Variants in NFYA observed in about 807,000 individuals in gnomAD.
NFYA encodes CAAT-box DNA binding protein subunit A.
A neutral mutation model predicts 52.8 loss-of-function variants in NFYA; 28 were observed. The observed-to-expected ratio is 0.53, with a 90% CI of 0.39 to 0.73. NFYA has a LOEUF of 0.73. Ranked by LOEUF, NFYA falls within the 30% of genes least tolerant of loss-of-function variation. NFYA has a pLI of 0.00. For missense variants in NFYA, 234 were observed against 427.0 expected, an observed-to-expected ratio of 0.55 and a Z score of 3.98; for synonymous variants, 150 against 150.7, an observed-to-expected ratio of 1.00 and a Z score of 0.03.
In NFYA at chr6:41,097,416, C is replaced by G; in HGVS notation, c.*6C>G. 1 of 1,613,740 alleles carries G rather than the reference C, an allele frequency of 6.2e-7. No individual in the cohort carries two copies. Among genetic ancestry groups the G allele is most frequent in the East Asian group, 2.2e-5 (1 of 44,842 alleles). On this transcript the variant is annotated 3_prime_UTR_variant, in exon 10 of 10. Transcript: ENST00000341376. ...AGATCATCCGAGTGTCCTAACCCCA[C>G]GCCATGTGATGGAGCTGATCAAGGT...
At position 41,097,374 on chromosome 6, in the gene NFYA, T is replaced by C. The variant is rs763983276; in HGVS notation, c.1008T>C (p.Asp336=). The C allele has an allele frequency of 1.6e-4, 262 of 1,613,920 alleles. No individual in the cohort carries two copies. Among genetic ancestry groups the C allele is most frequent in the Non-Finnish European group, 2.2e-4 (255 of 1,179,924 alleles). Residue 336 remains aspartate, a synonymous_variant, in exon 10 of 10, where the codon GAT becomes GAC. Coordinates refer to ENST00000341376, the MANE Select transcript of NFYA (RefSeq NM_002505.5). ...GTCTCTAGGATCCAAACCAAGCCGA[T>C]GAAGAAGCAATGACACAGATCATCC... is the stretch of plus-strand genomic sequence containing the variant. The part of the protein sequence containing the change: ...SPHMQDPNQA[D]EEAMTQIIRV...
rs763983276 is a variant in NFYA at position 41,097,374 on chromosome 6, T to A, written c.1008T>A (p.Asp336Glu). Reference sequence around the variant, plus strand: ...GTCTCTAGGATCCAAACCAAGCCGATGAAGAAGCAATGACACAGATCATCC... The same window carrying A: ...GTCTCTAGGATCCAAACCAAGCCGAAGAAGAAGCAATGACACAGATCATCC... ...SPHMQDPNQA[D>E]EEAMTQIIRV... The change falls in exon 10 of 10, where the codon GAT (aspartate) becomes GAA (glutamate). Residue 336 changes from aspartate (D) to glutamate (E), a missense_variant. Around this residue, in one of 3 missense-constraint regions of NFYA, gnomAD observed 35 missense variants for 34.2 expected, o/e 1.02. Coordinates refer to ENST00000341376, the MANE Select transcript of NFYA (RefSeq NM_002505.5). 2 of 1,614,038 alleles carry A rather than the reference T, an allele frequency of 1.2e-6. No individual in the cohort carries two copies. Among genetic ancestry groups the A allele is most frequent in the South Asian group, 1.1e-5 (1 of 91,076 alleles).
At chr6:41,077,972 C>G (rs761566014) in intron 1 of NFYA, among the ~76,000 whole-genome samples, 23 of 151,652 alleles carry the variant, frequency 1.5e-4, no homozygotes, top group Non-Finnish European at 3.2e-4. Context: ...TCCTAACATT[C>G]CAACATTCAT....
Position 41,090,263 on chromosome 6 carries a change from C to T in NFYA, c.501C>T (p.Thr167=). The change falls in exon 6 of 10, where the codon ACC becomes ACT. Residue 167 remains threonine, a synonymous_variant. Coordinates refer to ENST00000341376, the MANE Select transcript of NFYA (RefSeq NM_002505.5). ...TGGCACAGACTGCTGAAGGGCAGACCATCGTCTATCAACCAGTTAATGCAG... is the reference window on the plus strand; with the variant it reads ...TGGCACAGACTGCTGAAGGGCAGACTATCGTCTATCAACCAGTTAATGCAG... ...QQVAQTAEGQ[T]IVYQPVNADG... The T allele has an allele frequency of 6.2e-7, 1 of 1,613,950 alleles. No individual in the cohort carries two copies. Among genetic ancestry groups the T allele is most frequent in the South Asian group, 1.1e-5 (1 of 91,072 alleles).
Position 41,074,308 on chromosome 6 carries a change from A to G in NFYA, c.-62+1224A>G, listed in dbSNP as rs186667655. On this transcript the variant is annotated intron_variant, in intron 1 of 9. Transcript: ENST00000341376. Reference sequence around the variant, plus strand: ...GGTTGCTGTTGGCAACCAATTATCCAGCAGTTAGTATATGCCAGGTATAAT... The same window carrying G: ...GGTTGCTGTTGGCAACCAATTATCCGGCAGTTAGTATATGCCAGGTATAAT... Among the ~76,000 whole-genome samples the G allele has an allele frequency of 3.9e-5, 6 of 152,354 alleles. No homozygotes were observed. In the East Asian group the frequency reaches 1.2e-3, roughly 29 times the overall value.
rs571283013 is a variant in NFYA, at chr6:41,073,239, G to T, written c.-62+155G>T. ...GCCGGGCGGCCAGCGGCCCCGGCCCGGGGCCTGCGAGCGCCTCGGGGCACT... is the reference window on the plus strand; with the variant it reads ...GCCGGGCGGCCAGCGGCCCCGGCCCTGGGCCTGCGAGCGCCTCGGGGCACT... On this transcript the variant is annotated intron_variant, in intron 1 of 9. Transcript: ENST00000341376. 4.8e-4 allele frequency among the ~76,000 whole-genome samples: 72 copies of T among 151,382 alleles called. 1 individual carries two copies. The East Asian group carries it at 0.014, about 29-fold the overall frequency.
chr6:41,084,926 A>G (rs561576045), intron 4 of NFYA, among the ~76,000 whole-genome samples: 19 of 152,310 alleles, frequency 1.2e-4, no homozygotes, highest in South Asian at 2.1e-4. Flanking sequence ...GTGCCACTGC[A>G]CTCCAGGCTG....
At chr6:41,074,585 G>A (rs1561848619) in intron 1 of NFYA, among the ~76,000 whole-genome samples, 1 of 152,228 alleles carries the variant, frequency 6.6e-6, no homozygotes, top group African/African-American at 2.4e-5. Context: ...GAGAAGAAAA[G>A]CATGTGCAGA....
rs1481033969 is a variant in NFYA, at chr6:41,099,263, T to C, written c.*1853T>C. On this transcript the variant is annotated 3_prime_UTR_variant, in exon 10 of 10. Transcript: ENST00000341376. ...AGTCCCAAGTTTTTCAGAGAATAGA[T>C]TACTAACAATGAGGAATTTATATTC... 6.6e-6 allele frequency: 1 copy of C among 152,186 alleles called. No individual in the cohort carries two copies. The highest frequency in any genetic ancestry group is 1.5e-5 in the Non-Finnish European group (1 of 68,046). The allele number at this position is 152,186 out of a possible 1,614,324, so 9.4% of individuals were successfully genotyped here.
intron 1 of NFYA, among the ~76,000 whole-genome samples, chr6:41,077,864 C>G (rs1763783905): frequency 6.6e-6 from 1 of 152,102 alleles, no homozygotes; most frequent in African/African-American, 2.4e-5. Flanking sequence ...ATGACATAGC[C>G]TGTTATTTAT....
At position 41,101,766 on chromosome 6, in the gene NFYA, C is replaced by T. The variant is rs1162261310; in HGVS notation, c.*4356C>T. ...CTAAGAGAGTAGGGGAAAGAGCTGG[C>T]TCCAGATGAAAAGGGCACCATCTCC... is the stretch of plus-strand genomic sequence containing the variant. On this transcript the variant is annotated 3_prime_UTR_variant, in exon 10 of 10. Transcript: ENST00000341376. Among the ~76,000 whole-genome samples, 3 of 152,032 alleles carry T rather than the reference C, an allele frequency of 2.0e-5. No homozygotes were observed. Among genetic ancestry groups the T allele is most frequent in the Non-Finnish European group, 4.4e-5 (3 of 68,006 alleles).
At chr6:41,074,201 T>TA (rs1454935585) in intron 1 of NFYA, among the ~76,000 whole-genome samples, 2 of 152,264 alleles carry the variant, frequency 1.3e-5, no homozygotes, top group African/African-American at 4.8e-5. Flanking sequence ...GTTTTTCTGA[T>TA]ACACTTTCAA....
intron 1 of NFYA, among the ~76,000 whole-genome samples, chr6:41,077,748 T>G (rs908934598): frequency 6.6e-6 from 1 of 152,290 alleles, no homozygotes; most frequent in Middle Eastern, 3.4e-3. Context: ...TGTTGGCCAA[T>G]CTATATGTAA....
chr6:41,079,140 C>G lies in NFYA; in HGVS notation c.51C>G (p.Val17=), dbSNP rs529132251. The G allele has an allele frequency of 5.0e-6, 8 of 1,614,172 alleles. No individual in the cohort carries two copies. In the East Asian group the frequency reaches 1.6e-4, roughly 31 times the overall value. ...NSNSSTEQIV[V]QAGQIQQQQQ... is the part of the protein sequence containing the mutation. ...ATAGTTCGACAGAGCAGATTGTTGT[C>G]CAGGCAGGACAGATTCAGCAGCAGG... The change falls in exon 2 of 10, where the codon GTC becomes GTG. Residue 17 remains valine (V), a synonymous_variant. Transcript: ENST00000341376.
chr6:41,093,761 A>G (rs945972925), intron 8 of NFYA, among the ~76,000 whole-genome samples: 2 of 152,208 alleles, frequency 1.3e-5, no homozygotes, highest in African/African-American at 2.4e-5. Flanking sequence ...GTGAGCCACC[A>G]TACCCGGCCA....
rs74757915 is a variant in NFYA at position 41,089,377 on chromosome 6, T to C, written c.310-202T>C. On this transcript the variant is annotated intron_variant, in intron 4 of 9. Coordinates refer to ENST00000341376, the MANE Select transcript of NFYA (RefSeq NM_002505.5). The stretch of plus-strand genomic sequence containing the variant: ...CCGACATTGATTTGTTAATATCAGG[T>C]ATCCAGACAGTGTCGAAATTCCCTA... 2.6e-5 allele frequency among the ~76,000 whole-genome samples: 4 copies of C among 152,350 alleles called. No individual in the cohort carries two copies. In the East Asian group the frequency reaches 7.7e-4, roughly 29 times the overall value.
chr6:41,090,515 A>G (rs185698884), intron 6 of NFYA, among the ~76,000 whole-genome samples: 9 of 152,228 alleles, frequency 5.9e-5, no homozygotes, highest in Admixed American at 4.6e-4. Context: ...AGCAGTTTCT[A>G]TAGTGGTTGC....
chr6:41,091,430 G>A (rs10080924), intron 6 of NFYA, 98 bp from the exon 7 acceptor site: 176,840 of 1,190,468 alleles, frequency 0.15, 17,284 homozygotes, highest in African/African-American at 0.45. Context: ...TGCCAGGATC[G>A]GTGAGTGTAT....
chr6:41,096,683 A>G (rs1190216487), intron 9 of NFYA, among the ~76,000 whole-genome samples: 2 of 152,202 alleles, frequency 1.3e-5, no homozygotes, highest in African/African-American at 4.8e-5. Context: ...GGGGGAACTA[A>G]AGGTGGTTCT....
Sources: allele counts gnomAD v4.1 joint callset (sites outside exome capture counted in the v4.1 genomes callset), GRCh38; gene constraint gnomAD v4.1.1; regional missense constraint gnomAD v4.1.1; transcripts MANE v1.5; gene names NCBI Gene and HGNC (gene_info 2026-07-23, HGNC 2026-07-21).